Variants in CAMKMT observed in about 807,000 individuals in gnomAD.
CAMKMT encodes the protein CaM KMT.
In CAMKMT, 53 loss-of-function variants were observed where a neutral mutation model predicts 48.0. That is an observed-to-expected ratio of 1.10 (90% CI 0.89 to 1.39). CAMKMT has a LOEUF of 1.39. CAMKMT is among the 40% of genes most tolerant of loss of function. The pLI, the probability that CAMKMT is intolerant of heterozygous loss-of-function variation, is 0.00. For missense variants in CAMKMT, 428 were observed against 402.7 expected (o/e 1.06, Z -0.54); for synonymous variants, 165 against 152.3 (o/e 1.08, Z -0.61).
chr2:44,615,914 A>C (rs1671863340), intron 3 of CAMKMT, among the ~76,000 whole-genome samples: 2 of 152,058 alleles, frequency 1.3e-5, no homozygotes, highest in Non-Finnish European at 2.9e-5. Flanking sequence ...TGTCACCAAA[A>C]CATCCAGTAT....
At chr2:44,749,457 G>A (rs982119366) in intron 8 of CAMKMT, among the ~76,000 whole-genome samples, 7 of 152,176 alleles carry the variant, frequency 4.6e-5, no homozygotes, top group Non-Finnish European at 8.8e-5. Context: ...CTGTGTGTAC[G>A]CTGTGCTGGA....
At chr2:44,434,002 C>G (rs1259004392) in intron 3 of CAMKMT, among the ~76,000 whole-genome samples, 1 of 152,098 alleles carries the variant, frequency 6.6e-6, no homozygotes, top group African/African-American at 2.4e-5. Context: ...CTGCTTCTGC[C>G]TGCCAACTAG....
At chr2:44,758,692 T>C (rs1381723006) in intron 9 of CAMKMT, among the ~76,000 whole-genome samples, 1 of 152,204 alleles carries the variant, frequency 6.6e-6, no homozygotes, top group African/African-American at 2.4e-5. Flanking sequence ...GAGTGGCTTG[T>C]TGTTGCTGAT....
intron 3 of CAMKMT, among the ~76,000 whole-genome samples, chr2:44,615,766 A>G (rs909293856): frequency 3.3e-5 from 5 of 152,194 alleles, no homozygotes; most frequent in Non-Finnish European, 5.9e-5. Context: ...CAGAATGAGA[A>G]TAATAGGGGG....
intron 3 of CAMKMT, among the ~76,000 whole-genome samples, chr2:44,643,694 A>T (rs1006612289): frequency 6.6e-6 from 1 of 152,176 alleles, no homozygotes. Flanking sequence ...CTCAGAAAAA[A>T]ATTAAATATT....
At chr2:44,504,815 T>A (rs966578352) in intron 3 of CAMKMT, among the ~76,000 whole-genome samples, 1 of 152,208 alleles carries the variant, frequency 6.6e-6, no homozygotes, top group African/African-American at 2.4e-5. Context: ...AGTCTGGTTT[T>A]TTGTTGCTAT....
intron 3 of CAMKMT, among the ~76,000 whole-genome samples, chr2:44,424,496 T>A (rs1684151558): frequency 6.6e-6 from 1 of 152,136 alleles, no homozygotes; most frequent in Non-Finnish European, 1.5e-5. Context: ...TCACAATGTT[T>A]CCTCATACAA....
rs928446605 is a variant in CAMKMT, at chr2:44,705,355, TAA to T, written c.438-931_438-930del. 9 of 985,252 alleles carry T rather than the reference TAA, an allele frequency of 9.1e-6. No individual in the cohort carries two copies. In the African/African-American group the frequency reaches 1.6e-4, roughly 17 times the overall value. The allele number at this position is 985,252 out of a possible 1,614,324, so 61.0% of individuals were successfully genotyped here. On this transcript the variant is annotated intron_variant, in intron 4 of 10. Transcript: ENST00000378494. ...CCAAACTGGGAAGAGGAAACAATCC[TAA>T]GAGTCTAAGCATATAAATAAGAACA... is the stretch of plus-strand genomic sequence containing the variant.
intron 3 of CAMKMT, among the ~76,000 whole-genome samples, chr2:44,390,600 A>G (rs899739668): frequency 6.6e-5 from 10 of 151,906 alleles, no homozygotes; most frequent in African/African-American, 1.5e-4. Flanking sequence ...TGGACACTGA[A>G]GTACTGTCCC....
chr2:44,390,141 T>C, intron 2 of CAMKMT, 100 bp from the exon 3 acceptor site: 1 of 785,240 alleles, frequency 1.3e-6, no homozygotes, highest in Non-Finnish European at 2.1e-6. Flanking sequence ...TTTATTGCTA[T>C]TGGGTATACC....
intron 2 of CAMKMT, among the ~76,000 whole-genome samples, chr2:44,380,824 C>T (rs1437597138): frequency 1.3e-5 from 2 of 152,074 alleles, no homozygotes; most frequent in African/African-American, 4.8e-5. Flanking sequence ...CCACTGCCTA[C>T]CCCCTTAAAA....
At chr2:44,623,347 A>G (rs956719579) in intron 3 of CAMKMT, among the ~76,000 whole-genome samples, 1 of 151,930 alleles carries the variant, frequency 6.6e-6, no homozygotes, top group Non-Finnish European at 1.5e-5. Context: ...CCATTTGCTG[A>G]TTTTTGGTTT....
At chr2:44,686,189 C>T (rs571121616) in intron 3 of CAMKMT, among the ~76,000 whole-genome samples, 24 of 151,860 alleles carry the variant, frequency 1.6e-4, no homozygotes, top group Non-Finnish European at 3.1e-4. Flanking sequence ...GTCAGGAGAT[C>T]GAGACCATCC....
At chr2:44,436,923 AT>A (rs1179448370) in intron 3 of CAMKMT, among the ~76,000 whole-genome samples, 2 of 152,238 alleles carry the variant, frequency 1.3e-5, no homozygotes, top group Non-Finnish European at 2.9e-5. Context: ...TACCTGAAAG[AT>A]TCAACTTTTT....
In CAMKMT at chr2:44,666,800, G is replaced by A. The variant is rs141268519; in HGVS notation, c.377-37483G>A. On this transcript the variant is annotated intron_variant, in intron 3 of 10. Coordinates refer to ENST00000378494, the MANE Select transcript of CAMKMT (RefSeq NM_024766.5). ...AATTTTTGTATTTTTAGTAAAGATG[G>A]GATTTCTCCACGTTGGCCAGGATGG... 9.3e-4 allele frequency among the ~76,000 whole-genome samples: 141 copies of A among 152,180 alleles called. 1 individual carries two copies. The highest frequency in any genetic ancestry group is 3.3e-3 in the African/African-American group (138 of 41,520).
At chr2:44,413,381 T>G (rs1683340148) in intron 3 of CAMKMT, among the ~76,000 whole-genome samples, 1 of 151,742 alleles carries the variant, frequency 6.6e-6, no homozygotes, top group Non-Finnish European at 1.5e-5. Context: ...AGGCCAGGCA[T>G]GGTGGCTCAT....
intron 7 of CAMKMT, among the ~76,000 whole-genome samples, chr2:44,718,602 T>C (rs1056946066): frequency 6.6e-6 from 1 of 152,222 alleles, no homozygotes; most frequent in Non-Finnish European, 1.5e-5. Context: ...GTCTTCAAAA[T>C]TGTGACTGTT....
At chr2:44,404,021 TA>T (rs1682610909) in intron 3 of CAMKMT, among the ~76,000 whole-genome samples, 1 of 152,220 alleles carries the variant, frequency 6.6e-6, no homozygotes, top group East Asian at 1.9e-4. Context: ...ATAGACTTTT[TA>T]ATTTAATATA....
At chr2:44,404,163 G>A (rs1682618720) in intron 3 of CAMKMT, among the ~76,000 whole-genome samples, 1 of 152,074 alleles carries the variant, frequency 6.6e-6, no homozygotes, top group African/African-American at 2.4e-5. Context: ...TATATGCTTT[G>A]TGGATTAGTG....
Sources: gnomAD v4.1 joint callset for allele counts (sites outside exome capture counted in the v4.1 genomes callset) on GRCh38, gnomAD v4.1.1 for gene constraint, MANE v1.5 for transcripts, NCBI Gene and HGNC (gene_info 2026-07-23, HGNC 2026-07-21) for gene names.